The following TRPC4 variants were observed in gnomAD, a reference collection of about 807,000 sequenced individuals.
The protein encoded by TRPC4 is short transient receptor potential channel 4.
In TRPC4, 49 loss-of-function variants were observed where a neutral mutation model predicts 99.4. That is an observed-to-expected ratio of 0.49 (90% CI 0.39 to 0.63). The LOEUF (loss-of-function observed/expected upper bound fraction) is 0.63. Ranked by LOEUF, TRPC4 falls within the 20% of genes least tolerant of loss-of-function variation. The pLI is 0.00. For missense variants in TRPC4, 898 were observed against 1,152.9 expected, an observed-to-expected ratio of 0.78 and a Z score of 3.20; for synonymous variants, 454 against 425.9, an observed-to-expected ratio of 1.07 and a Z score of -0.81.
intron 3 of TRPC4, among the ~76,000 whole-genome samples, chr13:37,716,433 A>G (rs1954669588): frequency 6.6e-6 from 1 of 152,196 alleles, no homozygotes; most frequent in African/African-American, 2.4e-5. Context: ...TCATTAGCAA[A>G]GGTTTCTTTA....
intron 2 of TRPC4, among the ~76,000 whole-genome samples, chr13:37,769,294 GCTAT>G (rs1485938115): frequency 1.3e-5 from 2 of 151,342 alleles, no homozygotes; most frequent in Non-Finnish European, 3.0e-5. Context: ...GTCAAAGGAA[GCTAT>G]CTGCTTTACC....
At chr13:37,762,000 T>C (rs1034882508) in intron 2 of TRPC4, among the ~76,000 whole-genome samples, 1 of 151,872 alleles carries the variant, frequency 6.6e-6, no homozygotes, top group African/African-American at 2.4e-5. Flanking sequence ...ATTTGTATTT[T>C]AGGTAAATAC....
chr13:37,772,072 A>C (rs1425761000), intron 2 of TRPC4, among the ~76,000 whole-genome samples: 1 of 151,678 alleles, frequency 6.6e-6, no homozygotes, highest in Non-Finnish European at 1.5e-5. Flanking sequence ...GTTTACCAGG[A>C]CCATGGACTT....
intron 1 of TRPC4, among the ~76,000 whole-genome samples, chr13:37,846,211 A>T (rs1385612282): frequency 6.6e-6 from 1 of 152,212 alleles, no homozygotes; most frequent in Non-Finnish European, 1.5e-5. Flanking sequence ...AAGGCTACTA[A>T]TGAATAATTA....
intron 1 of TRPC4, among the ~76,000 whole-genome samples, chr13:37,794,625 G>A (rs993600544): frequency 6.6e-6 from 1 of 152,052 alleles, no homozygotes; most frequent in Admixed American, 6.6e-5. Flanking sequence ...GATTCTATTC[G>A]TCTCTGCTTT....
chr13:37,804,990 A>C (rs1452850316), intron 1 of TRPC4, among the ~76,000 whole-genome samples: 1 of 152,100 alleles, frequency 6.6e-6, no homozygotes, highest in Admixed American at 6.6e-5. Flanking sequence ...TGATATTCTC[A>C]AATGGTTGAT....
chr13:37,844,130 C>T lies in TRPC4; in HGVS notation c.-28+25465G>A, dbSNP rs115818257. Among the ~76,000 whole-genome samples the T allele has an allele frequency of 9.7e-3, 1,473 of 152,290 alleles. 22 individuals carry two copies. The highest frequency in any genetic ancestry group is 0.034 in the African/African-American group (1,399 of 41,558). On this transcript the variant is annotated intron_variant, in intron 1 of 10. Transcript: ENST00000379705. Reference sequence around the variant, plus strand: ...TGGAAATGCCAGCATGGCTAGATTACCTGAGTTTAGTTAGAAACAAAGAAC... The same window carrying T: ...TGGAAATGCCAGCATGGCTAGATTATCTGAGTTTAGTTAGAAACAAAGAAC...
intron 2 of TRPC4, among the ~76,000 whole-genome samples, chr13:37,764,501 A>G (rs1956306535): frequency 2.0e-5 from 3 of 151,330 alleles, no homozygotes; most frequent in Admixed American, 1.3e-4. Flanking sequence ...GTTTTTATGT[A>G]GACAAATTAT....
intron 1 of TRPC4, among the ~76,000 whole-genome samples, chr13:37,814,786 T>G (rs1250225690): frequency 6.6e-6 from 1 of 151,814 alleles, no homozygotes; most frequent in East Asian, 1.9e-4. Context: ...AATGCCATCC[T>G]TATCAAAATT....
At chr13:37,643,501 A>T (rs78827805) in intron 8 of TRPC4, among the ~76,000 whole-genome samples, 2,679 of 152,324 alleles carry the variant, frequency 0.018, 86 homozygotes, top group African/African-American at 0.06. Context: ...ATGCAGTATT[A>T]GATGGGTCAT....
chr13:37,702,742 A>C (rs375778846), intron 3 of TRPC4, among the ~76,000 whole-genome samples: 2 of 152,308 alleles, frequency 1.3e-5, no homozygotes, highest in East Asian at 1.9e-4. Flanking sequence ...CCCTACACAT[A>C]GGCAGTCAGC....
Position 37,636,914 on chromosome 13 carries a change from T to C in TRPC4, c.2923A>G (p.Thr975Ala). ...TCCTCCTTCAAGTATCACAATCTTG[T>C]GGTCACGTAATCTTCGTGGGTGACT... The part of the protein sequence containing the change: ...DTVTHEDYVT[T>A]RL The change falls in exon 11 of 11, where the codon ACA becomes GCA. Residue 975 changes from threonine (T) to alanine (A), a missense_variant. Coordinates refer to ENST00000379705, the MANE Select transcript of TRPC4 (RefSeq NM_016179.4). 1.2e-6 allele frequency: 2 copies of C among 1,610,292 alleles called. No individual in the cohort carries two copies. Among genetic ancestry groups the C allele is most frequent in the East Asian group, 4.5e-5 (2 of 44,840 alleles).
intron 2 of TRPC4, among the ~76,000 whole-genome samples, chr13:37,769,485 T>C (rs570888692): frequency 6.6e-6 from 1 of 151,690 alleles, no homozygotes; most frequent in African/African-American, 2.4e-5. Flanking sequence ...CATGATTTTT[T>C]CCTTCTCTTT....
At chr13:37,776,236 T>C (rs1181299379) in intron 2 of TRPC4, among the ~76,000 whole-genome samples, 2 of 151,872 alleles carry the variant, frequency 1.3e-5, no homozygotes, top group Non-Finnish European at 2.9e-5. Flanking sequence ...TTTGTTTATA[T>C]TGACTACATT....
At chr13:37,637,689 G>A (rs368386627) in intron 10 of TRPC4, 64 bp from the exon 11 acceptor site, 11 of 1,458,368 alleles carry the variant, frequency 7.5e-6, no homozygotes, top group African/African-American at 7.1e-5. Flanking sequence ...TCATTTTCTC[G>A]TCTCATATAT....
chr13:37,838,211 C>A (rs554196539), intron 1 of TRPC4, among the ~76,000 whole-genome samples: 1 of 152,308 alleles, frequency 6.6e-6, no homozygotes, highest in South Asian at 2.1e-4. Context: ...GGAAATACTG[C>A]AACATTAAAA....
intron 1 of TRPC4, among the ~76,000 whole-genome samples, chr13:37,859,053 A>C (rs549169292): frequency 2.0e-5 from 3 of 151,616 alleles, no homozygotes; most frequent in South Asian, 4.1e-4. Context: ...CCATAAATAC[A>C]TACACCTACT....
chr13:37,809,275 T>C (rs1357804219), intron 1 of TRPC4, among the ~76,000 whole-genome samples: 1 of 151,822 alleles, frequency 6.6e-6, no homozygotes, highest in Non-Finnish European at 1.5e-5. Context: ...AAATAAAGAG[T>C]TTAGAGTCCT....
At chr13:37,650,793 A>C (rs1478281687) in intron 8 of TRPC4, among the ~76,000 whole-genome samples, 1 of 149,038 alleles carries the variant, frequency 6.7e-6, no homozygotes, top group Non-Finnish European at 1.5e-5. Flanking sequence ...GAGAATTCTT[A>C]TCAAGCATAA....
Sources: allele counts gnomAD v4.1 joint callset (sites outside exome capture counted in the v4.1 genomes callset), GRCh38; gene constraint gnomAD v4.1.1; transcripts MANE v1.5; gene names NCBI Gene and HGNC (gene_info 2026-07-23, HGNC 2026-07-21).